TSPAN6: variants seen among roughly 807,000 people sequenced by gnomAD.
TSPAN6 encodes the protein tetraspanin-6.
Under a neutral mutation model 18.0 loss-of-function variants are expected in TSPAN6, and 13 were observed. That is an observed-to-expected ratio of 0.72 (90% CI 0.47 to 1.15). The LOEUF is 1.15. Among genes scored for constraint, TSPAN6 ranks in the 50% most tolerant of loss-of-function variants. TSPAN6 has a pLI of 0.00. For synonymous variants in TSPAN6, 82 were observed against 67.0 expected (o/e 1.22, Z -1.09); for missense variants, 186 against 183.9 (o/e 1.01, Z -0.07).
chrX:100,635,464 G>T, intron 2 of TSPAN6, 94 bp downstream of exon 2: 1 of 869,056 alleles, frequency 1.2e-6, no homozygotes, highest in Non-Finnish European at 1.6e-6. Context: ...AGGAAAAATT[G>T]TAAAGGGCCA....
intron 7 of TSPAN6, 114 bp from the exon 8 acceptor site, chrX:100,630,100 G>T (rs1421118495): frequency 2.9e-6 from 1 of 346,591 alleles, no homozygotes; most frequent in Admixed American, 9.1e-5. Context: ...TGTGTTCCTA[G>T]TCAGTGGCTC....
chrX:100,630,332 A>C (rs1278476796), intron 7 of TSPAN6, among the ~76,000 whole-genome samples: 1 of 112,156 alleles, frequency 8.9e-6, no homozygotes, highest in Non-Finnish European at 1.9e-5. Flanking sequence ...GTAAATGAAA[A>C]CTACGAAAAG....
rs1014406770 is a variant in TSPAN6 at position 100,635,707 on chromosome X, T to G, written c.127A>C (p.Lys43Gln). 1 of 1,182,377 alleles carries G rather than the reference T, an allele frequency of 8.5e-7. No homozygotes were observed. Among genetic ancestry groups the G allele is most frequent in the Admixed American group, 2.4e-5 (1 of 41,855 alleles). ...GAAAAGTAATTCTCCAGGCTCACCT[T>G]GCCCCAAATGCCAACTGCAAGAAGG... ...VILLAVGIWG[K>Q]VSLENYFSLL... The change falls in exon 2 of 8, where the codon AAG (lysine) becomes CAG (glutamine). Residue 43 changes from lysine to glutamine, a missense_variant. Transcript: ENST00000373020.
chrX:100,630,797 G>C lies in TSPAN6; in HGVS notation c.*1C>G. 1 of 1,210,135 alleles carries C rather than the reference G, an allele frequency of 8.3e-7. No individual in the cohort carries two copies. The highest frequency in any genetic ancestry group is 1.1e-6 in the Non-Finnish European group (1 of 894,331). ...AGGAATAGGCCCACAGATACATTGG[G>C]TTACACTATCTCATACTGGTTATTT... On this transcript the variant is annotated 3_prime_UTR_variant, in exon 7 of 8. Coordinates refer to ENST00000373020, the MANE Select transcript of TSPAN6 (RefSeq NM_003270.4).
chrX:100,636,741 G>C lies in TSPAN6; in HGVS notation c.-47C>G, dbSNP rs1348454295. The C allele has an allele frequency of 1.7e-6, 2 of 1,153,677 alleles. No homozygotes were observed. Among genetic ancestry groups the C allele is most frequent in the Non-Finnish European group, 2.3e-6 (2 of 866,586 alleles). On this transcript the variant is annotated 5_prime_UTR_variant, in exon 1 of 8. Coordinates refer to ENST00000373020, the MANE Select transcript of TSPAN6 (RefSeq NM_003270.4). ...CACCGCACCGGGCGATTGGAACACA[G>C]AGAGCGAGACGCGGAGTCCCCGAGT...
At chrX:100,635,845 A>C in intron 1 of TSPAN6, 99 bp from the exon 2 acceptor site, 2 of 647,744 alleles carry the variant, frequency 3.1e-6, no homozygotes, top group Non-Finnish European at 2.1e-6. Flanking sequence ...TAGGTGTAAT[A>C]TGCTGGGATA....
intron 5 of TSPAN6, 32 bp downstream of exon 5, chrX:100,633,373 T>C (rs1410772749): frequency 8.3e-7 from 1 of 1,198,883 alleles, no homozygotes; most frequent in East Asian, 3.0e-5. Flanking sequence ...CTTCAAATAT[T>C]GCCAAATAGA....
At position 100,633,387 on chromosome X, in the gene TSPAN6, T is replaced by C; in HGVS notation, c.585+18A>G. On this transcript the variant is annotated intron_variant, in intron 5 of 7. Transcript: ENST00000373020. ...TCTTCAAATATTGCCAAATAGAAAA[T>C]TTTAAAAGGCACCTTACTTCATTGT... 1 of 1,205,979 alleles carries C rather than the reference T, an allele frequency of 8.3e-7. No individual in the cohort carries two copies. Among genetic ancestry groups the C allele is most frequent in the Non-Finnish European group, 1.1e-6 (1 of 891,930 alleles).
In TSPAN6 at chrX:100,629,973, G is replaced by A; in HGVS notation, c.*53C>T. 1 of 752,809 alleles carries A rather than the reference G, an allele frequency of 1.3e-6. No homozygotes were observed. Among genetic ancestry groups the A allele is most frequent in the Non-Finnish European group, 1.6e-6 (1 of 638,320 alleles). The allele number at this position is 752,809 out of a possible 1,213,427, so 62.0% of individuals were successfully genotyped here. A position where few individuals can be genotyped will look rare whatever the true frequency, so the allele number is the denominator to read the frequency against. ...CAAGCAACTTTCTAATTCACAGGGG[G>A]GACCCTAAATGTCCTAAAATTAAAG... On this transcript the variant is annotated 3_prime_UTR_variant, in exon 8 of 8. Coordinates refer to ENST00000373020, the MANE Select transcript of TSPAN6 (RefSeq NM_003270.4).
In TSPAN6 at chrX:100,635,717, G is replaced by A. The variant is rs1370270208; in HGVS notation, c.117C>T (p.Gly39=). 3 of 1,182,194 alleles carry A rather than the reference G, an allele frequency of 2.5e-6. No individual in the cohort carries two copies. Among genetic ancestry groups the A allele is most frequent in the Admixed American group, 2.4e-5 (1 of 42,268 alleles). The change falls in exon 2 of 8, where the codon GGC becomes GGT. Residue 39 remains glycine (G), a synonymous_variant. Transcript: ENST00000373020. ...TCTCCAGGCTCACCTTGCCCCAAAT[G>A]CCAACTGCAAGAAGGATAACGCCAG... ...WITGVILLAV[G]IWGKVSLENY...
rs1037222822 is a variant in TSPAN6, at chrX:100,629,048, T to C, written c.*978A>G. 3.6e-5 allele frequency: 4 copies of C among 112,049 alleles called. No homozygotes were observed. The highest frequency in any genetic ancestry group is 7.5e-5 in the Non-Finnish European group (4 of 53,253). 9.2% of individuals were successfully genotyped at this position (112,049 alleles called of 1,213,427 possible). On this transcript the variant is annotated 3_prime_UTR_variant, in exon 8 of 8. Transcript: ENST00000373020. ...TCTTTTTAGAGGAAAGCAGTATTTA[T>C]TGTATAAGAGTTATACTTATTAATC...
chrX:100,630,777 T>C lies in TSPAN6; in HGVS notation c.*21A>G. On this transcript the variant is annotated 3_prime_UTR_variant, in exon 7 of 8. Coordinates refer to ENST00000373020, the MANE Select transcript of TSPAN6 (RefSeq NM_003270.4). The stretch of plus-strand genomic sequence containing the variant: ...AACGCACCTTAAAGGTAGAGAGGAA[T>C]AGGCCCACAGATACATTGGGTTACA... 4 of 1,205,535 alleles carry C rather than the reference T, an allele frequency of 3.3e-6. No homozygotes were observed. Among genetic ancestry groups the C allele is most frequent in the East Asian group, 3.0e-5 (1 of 33,774 alleles).
chrX:100,636,763 G>C lies in TSPAN6; in HGVS notation c.-69C>G. On this transcript the variant is annotated 5_prime_UTR_variant, in exon 1 of 8. Coordinates refer to ENST00000373020, the MANE Select transcript of TSPAN6 (RefSeq NM_003270.4). ...ACAGAGAGCGAGACGCGGAGTCCCC[G>C]AGTCTCCCCGGAAACTGCCGAAAAC... The C allele has an allele frequency of 1.8e-6, 2 of 1,086,322 alleles. No homozygotes were observed. The highest frequency in any genetic ancestry group is 2.4e-6 in the Non-Finnish European group (2 of 822,035). The allele number at this position is 1,086,322 out of a possible 1,213,427, so 89.5% of individuals were successfully genotyped here.
At chrX:100,632,090 GC>G (rs2147626377) in intron 6 of TSPAN6, 1 of 142,825 alleles carries the variant, frequency 7.0e-6, no homozygotes, top group African/African-American at 3.2e-5. Flanking sequence ...GTCCCCTGAA[GC>G]AAAAACTTAT....
At position 100,627,189 on chromosome X, in the gene TSPAN6, A is replaced by G. The variant is rs937658655; in HGVS notation, c.*2837T>C. ...ACAACCCACCTGGAATAGGCCATGG[A>G]AATCTAACAAGCTTTTCACACTTAA... On this transcript the variant is annotated 3_prime_UTR_variant, in exon 8 of 8. Transcript: ENST00000373020. 1.8e-5 allele frequency: 2 copies of G among 111,732 alleles called. No individual in the cohort carries two copies. The highest frequency in any genetic ancestry group is 6.5e-5 in the African/African-American group (2 of 30,747). The allele number at this position is 111,732 out of a possible 1,213,427, so 9.2% of individuals were successfully genotyped here. A position where few individuals can be genotyped will look rare whatever the true frequency, so the allele number is the denominator to read the frequency against.
chrX:100,629,975 A>G lies in TSPAN6; in HGVS notation c.*51T>C, dbSNP rs2083048197. The G allele has an allele frequency of 1.3e-6, 1 of 751,082 alleles. No individual in the cohort carries two copies. Among genetic ancestry groups the G allele is most frequent in the Admixed American group, 8.9e-5 (1 of 11,280 alleles). The allele number at this position is 751,082 out of a possible 1,213,427, so 61.9% of individuals were successfully genotyped here. A position where few individuals can be genotyped will look rare whatever the true frequency, so the allele number is the denominator to read the frequency against. ...AGCAACTTTCTAATTCACAGGGGGG[A>G]CCCTAAATGTCCTAAAATTAAAGAA... On this transcript the variant is annotated 3_prime_UTR_variant, in exon 8 of 8. Transcript: ENST00000373020.
Position 100,633,224 on chromosome X carries a change from C to T in TSPAN6, c.585+181G>A, listed in dbSNP as rs752467243. Among the ~76,000 whole-genome samples, 11 of 111,131 alleles carry T rather than the reference C, an allele frequency of 9.9e-5. No homozygotes were observed. In the East Asian group the frequency reaches 3.1e-3, roughly 31 times the overall value. On this transcript the variant is annotated intron_variant, in intron 5 of 7. Coordinates refer to ENST00000373020, the MANE Select transcript of TSPAN6 (RefSeq NM_003270.4). ...GTTCCAGCTACTCGAGAGGCTGAGG[C>T]AGGAGAATGGCGTGAACCTGGAAGG...
chrX:100,637,054 C>T (rs1370590904), upstream of TSPAN6: 1 of 88,606 alleles, frequency 1.1e-5, no homozygotes, highest in Non-Finnish European at 2.0e-5. Context: ...GTTTCTATCA[C>T]CAGCAGAGCC....
At chrX:100,631,432 A>G (rs73636607) in intron 6 of TSPAN6, among the ~76,000 whole-genome samples, 6,711 of 112,272 alleles carry the variant, frequency 0.06, 506 homozygotes, top group African/African-American at 0.21. Context: ...AGCTTTGCTT[A>G]CTACTTTAAA....
Sources: allele counts gnomAD v4.1 joint callset (sites outside exome capture counted in the v4.1 genomes callset), GRCh38; gene constraint gnomAD v4.1.1; transcripts MANE v1.5; gene names NCBI Gene and HGNC (gene_info 2026-07-23, HGNC 2026-07-21).